Variants in TRIM65 observed in about 807,000 individuals in gnomAD.
TRIM65 encodes the protein tripartite motif containing 65.
TRIM65 carries 46 observed loss-of-function variants against 36.1 expected under a neutral mutation model. The ratio of observed to expected loss-of-function variants is 1.27; its 90% CI spans 1.01 to 1.63. TRIM65 has a LOEUF of 1.63. Ranked by LOEUF, TRIM65 falls within the 40% of genes most tolerant of loss-of-function variation. The pLI, the probability that TRIM65 is intolerant of heterozygous loss-of-function variation, is 0.00. For synonymous variants in TRIM65, 346 were observed against 313.6 expected (o/e 1.10, Z -1.09); for missense variants, 708 against 696.6 (o/e 1.02, Z -0.18).
intron 4 of TRIM65, among the ~76,000 whole-genome samples, chr17:75,881,260 AAAG>A (rs1424664333): frequency 6.7e-6 from 1 of 148,278 alleles, no homozygotes; most frequent in Non-Finnish European, 1.5e-5. Flanking sequence ...AAAAAAAAGA[AAAG>A]AAAAGAAGAA....
At chr17:75,886,995 AG>A (rs2065212378), downstream of TRIM65, among the ~76,000 whole-genome samples, 1 of 151,950 alleles carries the variant, frequency 6.6e-6, no homozygotes, top group South Asian at 2.1e-4. Flanking sequence ...ATTCTTGACA[AG>A]AAATTTAAAA....
At chr17:75,894,887 G>A (rs989580316) in intron 1 of TRIM65, among the ~76,000 whole-genome samples, 3 of 152,210 alleles carry the variant, frequency 2.0e-5, no homozygotes, top group Non-Finnish European at 4.4e-5. Context: ...ACCCACTTGA[G>A]GAGGTGACCC....
chr17:75,890,802 G>A lies in TRIM65; in HGVS notation c.1531C>T (p.Pro511Ser), dbSNP rs780286772. ...HQPGAVFPLGPQEEVLS is the reference protein window; with the variant it reads ...HQPGAVFPLGSQEEVLS The stretch of plus-strand genomic sequence containing the variant: ...CTTCAGCTGAGCACCTCTTCCTGGG[G>A]CCCCAGAGGGAACACAGCCCCTGGC... Residue 511 changes from proline (P) to serine (S), a missense_variant, in exon 6 of 6, where the codon CCC becomes TCC. Physicochemically the swap from Pro to Ser is moderately conservative, Grantham distance 74. Transcript: ENST00000269383. The A allele has an allele frequency of 6.7e-7, 1 of 1,495,646 alleles. No homozygotes were observed. Among genetic ancestry groups the A allele is most frequent in the Admixed American group, 2.6e-5 (1 of 38,208 alleles). 92.6% of individuals were successfully genotyped at this position (1,495,646 alleles called of 1,614,324 possible).
At chr17:75,886,852 T>C (rs992647442), downstream of TRIM65, among the ~76,000 whole-genome samples, 2 of 152,126 alleles carry the variant, frequency 1.3e-5, no homozygotes, top group African/African-American at 4.8e-5. Context: ...TGTGCTGCCT[T>C]TTCCCTCGAT....
intron 4 of TRIM65, among the ~76,000 whole-genome samples, chr17:75,881,268 GAAGA>G (rs911027862): frequency 2.1e-5 from 3 of 144,372 alleles, no homozygotes; most frequent in Non-Finnish European, 3.0e-5. Context: ...GAAAAGAAAA[GAAGA>G]AAGAAAGAAG....
In TRIM65 at chr17:75,891,994, C is replaced by T. The variant is rs372771503; in HGVS notation, c.919+17G>A. On this transcript the variant is annotated intron_variant, in intron 4 of 5. Coordinates refer to ENST00000269383, the MANE Select transcript of TRIM65 (RefSeq NM_173547.4). ...CTGGACCCAGGACAGCAGGGGGAGG[C>T]CTGGGGTCAGTCTTACCCACGGGGG... The T allele has an allele frequency of 2.1e-4, 321 of 1,551,702 alleles. No individual in the cohort carries two copies. Among genetic ancestry groups the T allele is most frequent in the Non-Finnish European group, 2.6e-4 (299 of 1,146,748 alleles).
At chr17:75,880,265 C>A (rs1220483237), downstream of TRIM65, 2 of 150,202 alleles carry the variant, frequency 1.3e-5, no homozygotes, top group Non-Finnish European at 2.9e-5. Context: ...TGGCTTGTAG[C>A]TGTAAGATGC....
rs769428646 is a variant in TRIM65, at chr17:75,896,675, C to CCGGGGCCGGGAT, written c.251_262dup (p.Asp84_Pro87dup). The CCGGGGCCGGGAT allele has an allele frequency of 7.4e-5, 96 of 1,288,912 alleles. 1 individual carries two copies. In the East Asian group the frequency reaches 1.8e-3, roughly 24 times the overall value. The allele number at this position is 1,288,912 out of a possible 1,614,324, so 79.8% of individuals were successfully genotyped here. On this transcript the variant is annotated inframe_insertion, in exon 1 of 6. Transcript: ENST00000269383. ...GGGGCAGCGCGCGGCAGGGTCGGGG[C>CCGGGGCCGGGAT]CGGGGCCGGGATCGGGGCCGGGATC... is the stretch of plus-strand genomic sequence containing the variant.
intron 1 of TRIM65, among the ~76,000 whole-genome samples, chr17:75,894,517 G>A (rs1164558135): frequency 6.6e-6 from 1 of 152,180 alleles, no homozygotes; most frequent in East Asian, 1.9e-4. Context: ...CTCCCTGGGA[G>A]CTCCAGCTTG....
Position 75,890,460 on chromosome 17 carries a change from G to A in TRIM65, c.*319C>T. On this transcript the variant is annotated 3_prime_UTR_variant, in exon 6 of 6. Transcript: ENST00000269383. ...TCCAGAGGCAAGTTCAGGTAGATCT[G>A]AATTTTGTCACACACGCTGTCCTGT... is the stretch of plus-strand genomic sequence containing the variant. 4.4e-6 allele frequency: 1 copy of A among 225,246 alleles called. No individual in the cohort carries two copies. The allele number at this position is 225,246 out of a possible 1,614,324, so 14.0% of individuals were successfully genotyped here.
intron 1 of TRIM65, among the ~76,000 whole-genome samples, chr17:75,893,686 C>G (rs2065305234): frequency 1.3e-5 from 2 of 152,302 alleles, no homozygotes; most frequent in South Asian, 4.1e-4. Context: ...TCAGATCTTC[C>G]TAAGCCCAGA....
chr17:75,881,156 A>G (rs1250569576), intron 4 of TRIM65, among the ~76,000 whole-genome samples: 1 of 140,864 alleles, frequency 7.1e-6, no homozygotes, highest in African/African-American at 2.6e-5. Context: ...AGTCTGAGGC[A>G]GGAGAATCGC....
At chr17:75,895,199 C>T (rs931347375) in intron 1 of TRIM65, among the ~76,000 whole-genome samples, 5 of 152,144 alleles carry the variant, frequency 3.3e-5, no homozygotes, top group Admixed American at 6.5e-5. Flanking sequence ...GGCCTGCTTT[C>T]GCCTCCACAA....
At chr17:75,888,899 G>A (rs933919312), downstream of TRIM65, 1 of 147,242 alleles carries the variant, frequency 6.8e-6, no homozygotes, top group Admixed American at 6.8e-5. Flanking sequence ...GTCGTGGGAG[G>A]TTTTTTTTTT....
chr17:75,889,549 A>T lies in TRIM65; in HGVS notation c.*1230T>A, dbSNP rs1330553280. On this transcript the variant is annotated 3_prime_UTR_variant, in exon 6 of 6. Coordinates refer to ENST00000269383, the MANE Select transcript of TRIM65 (RefSeq NM_173547.4). ...CCAGGAGGAGCTAGCCTGTGCCGACACCTGCACACACGGCTGCCCCAAAGT... is the reference window on the plus strand; with the variant it reads ...CCAGGAGGAGCTAGCCTGTGCCGACTCCTGCACACACGGCTGCCCCAAAGT... The T allele has an allele frequency of 6.6e-6, 1 of 152,216 alleles. No homozygotes were observed. Among genetic ancestry groups the T allele is most frequent in the Non-Finnish European group, 1.5e-5 (1 of 68,068 alleles). The allele number at this position is 152,216 out of a possible 1,614,324, so 9.4% of individuals were successfully genotyped here.
Position 75,889,255 on chromosome 17 carries a change from C to T in TRIM65, c.*1524G>A, listed in dbSNP as rs1471196802. The T allele has an allele frequency of 6.6e-6, 1 of 152,082 alleles. No individual in the cohort carries two copies. Among genetic ancestry groups the T allele is most frequent in the African/African-American group, 2.4e-5 (1 of 41,402 alleles). The allele number at this position is 152,082 out of a possible 1,614,324, so 9.4% of individuals were successfully genotyped here. A position where few individuals can be genotyped will look rare whatever the true frequency, so the allele number is the denominator to read the frequency against. ...ATTTTTAGTAGAGACGGGGTTTTGC[C>T]TTGTTGGCCAGGCTGGTCTCGAACT... is the stretch of plus-strand genomic sequence containing the variant. On this transcript the variant is annotated 3_prime_UTR_variant, in exon 6 of 6. Transcript: ENST00000269383.
At chr17:75,888,691 C>T (rs1005321096), downstream of TRIM65, among the ~76,000 whole-genome samples, 2 of 152,178 alleles carry the variant, frequency 1.3e-5, no homozygotes, top group Admixed American at 6.5e-5. Context: ...AGGTCCTGCC[C>T]GCCTCCTGGC....
chr17:75,893,257 T>C (rs144322663), intron 1 of TRIM65, among the ~76,000 whole-genome samples: 58 of 152,312 alleles, frequency 3.8e-4, no homozygotes, highest in Admixed American at 1.1e-3. Context: ...ACTAAAGCCG[T>C]TGGTCCCTGT....
Position 75,892,005 on chromosome 17 carries a change from T to C in TRIM65, c.919+6A>G, listed in dbSNP as rs2065274930. 6.4e-7 allele frequency: 1 copy of C among 1,552,396 alleles called. No individual in the cohort carries two copies. The highest frequency in any genetic ancestry group is 1.2e-5 in the South Asian group (1 of 84,354). On this transcript the variant is annotated splice_donor_region_variant and intron_variant, in intron 4 of 5. Transcript: ENST00000269383. ...ACAGCAGGGGGAGGCCTGGGGTCAG[T>C]CTTACCCACGGGGGCTAAGTCCACA...
Sources: gnomAD v4.1 joint callset for allele counts (sites outside exome capture counted in the v4.1 genomes callset) on GRCh38, gnomAD v4.1.1 for gene constraint, MANE v1.5 for transcripts, NCBI Gene and HGNC (gene_info 2026-07-23, HGNC 2026-07-21) for gene names.